Variants in DPYSL4 observed in about 807,000 individuals in gnomAD.
DPYSL4 encodes the protein dihydropyrimidinase-related protein 4.
DPYSL4 carries 43 observed loss-of-function variants against 63.4 expected under a neutral mutation model. That is an observed-to-expected ratio of 0.68 (90% CI 0.53 to 0.88). The LOEUF is 0.88. Ranked by LOEUF, DPYSL4 falls within the 40% of genes least tolerant of loss-of-function variation. The pLI is 0.00. For synonymous variants in DPYSL4, 353 were observed against 331.7 expected, an observed-to-expected ratio of 1.06 and a Z score of -0.70; for missense variants, 733 against 819.5, an observed-to-expected ratio of 0.89 and a Z score of 1.29.
chr10:132,203,273 C>T (rs1297925697), intron 12 of DPYSL4, among the ~76,000 whole-genome samples: 3 of 90,854 alleles, frequency 3.3e-5, no homozygotes, highest in Admixed American at 1.2e-4. Context: ...GGAGCTCAGC[C>T]ACGGGAGCCC....
chr10:132,187,775 C>T (rs1045381564), intron 1 of DPYSL4, among the ~76,000 whole-genome samples: 2 of 152,350 alleles, frequency 1.3e-5, no homozygotes, highest in East Asian at 3.9e-4. Context: ...CCTTCGAGAG[C>T]AGAGACCCCT....
intron 8 of DPYSL4, among the ~76,000 whole-genome samples, chr10:132,200,061 C>T (rs77947707): frequency 0.043 from 6,571 of 152,256 alleles, 245 homozygotes; most frequent in Admixed American, 0.089. Context: ...CCCACAGGCA[C>T]GCCCTGGCCC....
At chr10:132,199,003 G>T (rs1261453101) in intron 8 of DPYSL4, 32 bp downstream of exon 8, 1 of 1,218,156 alleles carries the variant, frequency 8.2e-7, no homozygotes, top group African/African-American at 1.4e-5. Flanking sequence ...TGATGCCGAG[G>T]GGCCATGGTC....
At chr10:132,190,041 G>A (rs2061853021) in intron 1 of DPYSL4, among the ~76,000 whole-genome samples, 1 of 152,196 alleles carries the variant, frequency 6.6e-6, no homozygotes, top group African/African-American at 2.4e-5. Context: ...TGGAACGCTC[G>A]CCATGTCTGC....
At position 132,202,116 on chromosome 10, in the gene DPYSL4, G is replaced by C; in HGVS notation, c.1281G>C (p.Leu427=). The change falls in exon 11 of 14, where the codon CTG becomes CTC. Residue 427 remains leucine, a splice_region_variant and synonymous_variant. Coordinates refer to ENST00000338492, the MANE Select transcript of DPYSL4 (RefSeq NM_006426.3). ...TKIISAKTHN[L]NVEYNIFEGV... is the part of the protein sequence containing the mutation. ...TCATCTCTGCCAAGACCCACAATCT[G>C]GTAAGAGAAGGCGGCTGTAAGTCAG... is the stretch of plus-strand genomic sequence containing the variant. 6.2e-7 allele frequency: 1 copy of C among 1,610,408 alleles called. No individual in the cohort carries two copies. Among genetic ancestry groups the C allele is most frequent in the Non-Finnish European group, 8.5e-7 (1 of 1,178,360 alleles).
intron 5 of DPYSL4, 36 bp from the exon 6 acceptor site, chr10:132,196,985 C>T (rs1402683428): frequency 1.2e-6 from 2 of 1,612,914 alleles, no homozygotes; most frequent in Non-Finnish European, 1.7e-6. Context: ...GGTGCAGGCG[C>T]AGCCCCACCC....
chr10:132,197,297 G>T (rs899648098), intron 6 of DPYSL4, among the ~76,000 whole-genome samples, 196 bp downstream of exon 6: 3 of 152,236 alleles, frequency 2.0e-5, no homozygotes, highest in African/African-American at 4.8e-5. Flanking sequence ...AGACTGGGGG[G>T]TGATGGGGAG....
intron 11 of DPYSL4, 25 bp from the exon 12 acceptor site, chr10:132,202,621 T>C (rs1394465317): frequency 6.2e-7 from 1 of 1,609,816 alleles, no homozygotes; most frequent in East Asian, 2.2e-5. Context: ...GTGGAGGCAC[T>C]GGACCCTCGG....
intron 11 of DPYSL4, 41 bp downstream of exon 11, chr10:132,202,157 G>A: frequency 1.9e-6 from 3 of 1,590,060 alleles, no homozygotes; most frequent in Non-Finnish European, 2.6e-6. Context: ...GCCTTTGTGG[G>A]GCCGGGACCC....
chr10:132,195,349 T>C (rs558579815), intron 4 of DPYSL4, among the ~76,000 whole-genome samples: 117 of 152,314 alleles, frequency 7.7e-4, no homozygotes, highest in Admixed American at 1.8e-3. Context: ...GGGAGACCCT[T>C]TTAAATCCAT....
At chr10:132,202,589 G>T (rs2062033415) in intron 11 of DPYSL4, 57 bp from the exon 12 acceptor site, 3 of 1,597,450 alleles carry the variant, frequency 1.9e-6, no homozygotes, top group Non-Finnish European at 2.6e-6. Context: ...GCTCAACGGG[G>T]ATGGGACTGT....
Position 132,187,087 on chromosome 10 carries a change from C to A in DPYSL4, c.24C>A (p.Ser8Arg). 6.7e-7 allele frequency: 1 copy of A among 1,497,268 alleles called. No individual in the cohort carries two copies. The highest frequency in any genetic ancestry group is 9.0e-7 in the Non-Finnish European group (1 of 1,116,538). 92.7% of individuals were successfully genotyped at this position (1,497,268 alleles called of 1,614,324 possible). A position where few individuals can be genotyped will look rare whatever the true frequency, so the allele number is the denominator to read the frequency against. Residue 8 changes from serine to arginine, a missense_variant, in exon 1 of 14, where the codon AGC becomes AGA. Coordinates refer to ENST00000338492, the MANE Select transcript of DPYSL4 (RefSeq NM_006426.3). MSFQGKK[S>R]IPRITSDRLL... ...GGATGTCCTTCCAGGGCAAGAAAAG[C>A]ATCCCCCGGATCACGGTGAGCCCGG...
intron 11 of DPYSL4, 75 bp downstream of exon 11, chr10:132,202,191 C>A: frequency 6.5e-7 from 1 of 1,539,838 alleles, no homozygotes; most frequent in Non-Finnish European, 8.7e-7. Context: ...CCAGGAGAGG[C>A]GCAGGACAGA....
intron 13 of DPYSL4, 49 bp from the exon 14 acceptor site, chr10:132,204,790 C>T (rs1005865871): frequency 2.6e-6 from 4 of 1,514,576 alleles, no homozygotes; most frequent in Non-Finnish European, 3.6e-6. Flanking sequence ...AATAGAAGGG[C>T]CCCTGCCCCT....
chr10:132,187,461 G>A (rs2061817874), intron 1 of DPYSL4, among the ~76,000 whole-genome samples: 1 of 152,026 alleles, frequency 6.6e-6, no homozygotes, highest in African/African-American at 2.4e-5. Context: ...GTCCCTCGGA[G>A]CGCTAGCGGC....
At chr10:132,203,288 C>T (rs866627575) in intron 12 of DPYSL4, among the ~76,000 whole-genome samples, 9 of 151,704 alleles carry the variant, frequency 5.9e-5, no homozygotes, top group Middle Eastern at 3.4e-3. Flanking sequence ...GAGCCCCCCC[C>T]CCATGGCCTT....
chr10:132,188,177 C>T (rs1259107666), intron 1 of DPYSL4, among the ~76,000 whole-genome samples: 1 of 152,140 alleles, frequency 6.6e-6, no homozygotes, highest in Non-Finnish European at 1.5e-5. Flanking sequence ...GACCCCTTCC[C>T]AGGGGAGGTC....
chr10:132,190,710 A>C, intron 1 of DPYSL4, 37 bp from the exon 2 acceptor site: 1 of 1,590,450 alleles, frequency 6.3e-7, no homozygotes. Context: ...TGAGTAACTC[A>C]GTTTGGAGAA....
chr10:132,196,946 A>T, intron 5 of DPYSL4, 24 bp downstream of exon 5: 1 of 1,613,578 alleles, frequency 6.2e-7, no homozygotes, highest in Non-Finnish European at 8.5e-7. Flanking sequence ...TGGGGAACGG[A>T]GTGGGCAGGT....
Sources: gnomAD v4.1 joint callset for allele counts (sites outside exome capture counted in the v4.1 genomes callset) on GRCh38, gnomAD v4.1.1 for gene constraint, MANE v1.5 for transcripts, NCBI Gene and HGNC (gene_info 2026-07-23, HGNC 2026-07-21) for gene names.